Variants in LNX2 observed in about 807,000 individuals in gnomAD.
The protein encoded by LNX2 is ligand of numb-protein X 2, also known as ligand of Numb protein X 2.
Under a neutral mutation model 66.2 loss-of-function variants are expected in LNX2, and 35 were observed. The observed-to-expected ratio is 0.53, with a 90% CI of 0.40 to 0.70. The LOEUF is 0.70. Among genes scored for constraint, LNX2 ranks in the 30% least tolerant of loss-of-function variants. The pLI, the probability that LNX2 is intolerant of heterozygous loss-of-function variation, is 0.00. For synonymous variants in LNX2, 337 were observed against 315.6 expected (o/e 1.07, Z -0.72); for missense variants, 791 against 850.8 (o/e 0.93, Z 0.87).
intron 2 of LNX2, among the ~76,000 whole-genome samples, chr13:27,574,445 T>C (rs1955321259): frequency 8.2e-6 from 1 of 121,442 alleles, no homozygotes; most frequent in African/African-American, 3.3e-5. Flanking sequence ...AATTCACTAG[T>C]TCAACAGCAG....
intron 2 of LNX2, 60 bp downstream of exon 2, chr13:27,581,237 G>T: frequency 7.3e-7 from 1 of 1,364,500 alleles, no homozygotes. Flanking sequence ...AAGTTTTTAT[G>T]TTCATTTGAA....
chr13:27,548,598 A>C, intron 9 of LNX2, 128 bp from the exon 10 acceptor site: 1 of 1,019,968 alleles, frequency 9.8e-7, no homozygotes, highest in Non-Finnish European at 1.4e-6. Context: ...TAGGGTGTAT[A>C]ATCTACTTTG....
intron 1 of LNX2, among the ~76,000 whole-genome samples, chr13:27,606,700 C>T (rs1377157434): frequency 1.3e-5 from 2 of 152,116 alleles, no homozygotes; most frequent in African/African-American, 4.8e-5. Context: ...CAACTCCAGG[C>T]GAACCAGGTA....
At chr13:27,608,837 T>C (rs833095) in intron 1 of LNX2, among the ~76,000 whole-genome samples, 95,949 of 151,316 alleles carry the variant, frequency 0.63, 31,142 homozygotes, top group Non-Finnish European at 0.69. Flanking sequence ...CAAAGTCTTG[T>C]TCTGTCATCC....
chr13:27,593,734 TTGTGTGTG>T (rs373386821), intron 1 of LNX2, among the ~76,000 whole-genome samples: 1 of 143,846 alleles, frequency 7.0e-6, no homozygotes, highest in Non-Finnish European at 1.5e-5. Context: ...CGCCTGGTTT[TTGTGTGTG>T]TGTGTGTGTG....
intron 8 of LNX2, among the ~76,000 whole-genome samples, chr13:27,552,711 A>G (rs1955019859): frequency 6.6e-6 from 1 of 152,252 alleles, no homozygotes; most frequent in Admixed American, 6.5e-5. Context: ...ATAAAAGTGA[A>G]GCAGCCATTC....
chr13:27,607,379 G>C (rs1566133394), intron 1 of LNX2, among the ~76,000 whole-genome samples: 1 of 152,138 alleles, frequency 6.6e-6, no homozygotes, highest in Non-Finnish European at 1.5e-5. Flanking sequence ...AGAAATCAGG[G>C]CACTAAAGTC....
chr13:27,592,170 A>C (rs1955551926), intron 1 of LNX2, among the ~76,000 whole-genome samples: 1 of 152,250 alleles, frequency 6.6e-6, no homozygotes, highest in Admixed American at 6.5e-5. Flanking sequence ...GTTGAAAATA[A>C]TCTGAAGGGC....
At chr13:27,597,393 G>T (rs1003153121) in intron 1 of LNX2, among the ~76,000 whole-genome samples, 3 of 152,184 alleles carry the variant, frequency 2.0e-5, no homozygotes, top group Non-Finnish European at 4.4e-5. Flanking sequence ...CACGGGCTCA[G>T]AAACAATACG....
At chr13:27,566,385 C>A (rs1955206186) in intron 4 of LNX2, among the ~76,000 whole-genome samples, 1 of 152,144 alleles carries the variant, frequency 6.6e-6, no homozygotes. Context: ...GTATTTTGCT[C>A]TGAAATGTAC....
intron 4 of LNX2, among the ~76,000 whole-genome samples, chr13:27,566,552 C>T (rs1293882983): frequency 6.6e-6 from 1 of 152,152 alleles, no homozygotes; most frequent in East Asian, 1.9e-4. Context: ...CCTAGTTGAA[C>T]CTTTGCAAGG....
At chr13:27,576,001 A>C (rs1194880005) in intron 2 of LNX2, among the ~76,000 whole-genome samples, 1 of 152,236 alleles carries the variant, frequency 6.6e-6, no homozygotes, top group Non-Finnish European at 1.5e-5. Flanking sequence ...ACATTAAATT[A>C]CATGAATGAA....
At chr13:27,608,204 T>C (rs1324670654) in intron 1 of LNX2, among the ~76,000 whole-genome samples, 1 of 152,262 alleles carries the variant, frequency 6.6e-6, no homozygotes, top group Non-Finnish European at 1.5e-5. Context: ...TTATGTTTGC[T>C]TGAAACTATT....
Position 27,567,635 on chromosome 13 carries a change from G to C in LNX2, c.855+5C>G. 4 of 1,612,358 alleles carry C rather than the reference G, an allele frequency of 2.5e-6. No homozygotes were observed. The highest frequency in any genetic ancestry group is 3.4e-6 in the Non-Finnish European group (4 of 1,178,454). ...ACAAGTTAACAGAATAATTAAAACT[G>C]ATACCTGAAGAATCTGGTCTCCAGC... is the stretch of plus-strand genomic sequence containing the variant. On this transcript the variant is annotated splice_donor_5th_base_variant and intron_variant, in intron 4 of 9. Transcript: ENST00000316334.
chr13:27,552,547 A>T (rs1955018520), intron 8 of LNX2, among the ~76,000 whole-genome samples: 1 of 152,190 alleles, frequency 6.6e-6, no homozygotes, highest in South Asian at 2.1e-4. Flanking sequence ...ATTAGACAAC[A>T]AATGATGATA....
intron 4 of LNX2, among the ~76,000 whole-genome samples, chr13:27,566,243 G>C (rs1566118742): frequency 6.6e-6 from 1 of 152,196 alleles, no homozygotes; most frequent in Non-Finnish European, 1.5e-5. Context: ...AAAGCTTTAA[G>C]GATGAAGGTG....
At chr13:27,588,021 C>CACA (rs1955509610) in intron 1 of LNX2, among the ~76,000 whole-genome samples, 1 of 93,532 alleles carries the variant, frequency 1.1e-5, no homozygotes, top group East Asian at 3.5e-4. Flanking sequence ...ACTCTTGTCA[C>CACA]AAAAAAAAAA....
At position 27,562,519 on chromosome 13, in the gene LNX2, C is replaced by T; in HGVS notation, c.1118G>A (p.Gly373Glu). The change falls in exon 5 of 10, where the codon GGG (glycine) becomes GAG (glutamate). Residue 373 changes from glycine (G) to glutamate (E), a missense_variant. Coordinates refer to ENST00000316334, the MANE Select transcript of LNX2 (RefSeq NM_153371.4). ...TAGCCTGCCGTCCTGGGCAGCCAAC[C>T]CCCCTTCCAACAGGTCAAGAATAAA... ...GVFILDLLEG[G>E]LAAQDGRLSS... The T allele has an allele frequency of 1.9e-6, 3 of 1,614,140 alleles. No individual in the cohort carries two copies. The highest frequency in any genetic ancestry group is 2.5e-6 in the Non-Finnish European group (3 of 1,180,016).
At chr13:27,615,432 G>A (rs1292587328) in intron 1 of LNX2, among the ~76,000 whole-genome samples, 1 of 152,184 alleles carries the variant, frequency 6.6e-6, no homozygotes, top group Non-Finnish European at 1.5e-5. Context: ...TCTGAACCCT[G>A]TCCTCTTGGG....
Sources: allele counts gnomAD v4.1 joint callset (sites outside exome capture counted in the v4.1 genomes callset), GRCh38; gene constraint gnomAD v4.1.1; transcripts MANE v1.5; gene names NCBI Gene and HGNC (gene_info 2026-07-23, HGNC 2026-07-21).